Variants in DDR2 observed in about 807,000 individuals in gnomAD.
The protein encoded by DDR2 is discoidin domain receptor tyrosine kinase 2.
In DDR2, 27 loss-of-function variants were observed where a neutral mutation model predicts 94.9. The observed-to-expected ratio is 0.28, with a 90% CI of 0.21 to 0.39. The LOEUF (loss-of-function observed/expected upper bound fraction) is 0.39. Ranked by LOEUF, DDR2 falls within the 10% of genes least tolerant of loss-of-function variation. The pLI is 1.00. For synonymous variants in DDR2, 382 were observed against 377.2 expected (o/e 1.01, Z -0.15); for missense variants, 783 against 1,076.0 (o/e 0.73, Z 3.81).
intron 11 of DDR2, among the ~76,000 whole-genome samples, chr1:162,769,872 C>T (rs942989371): frequency 1.3e-5 from 2 of 152,132 alleles, no homozygotes; most frequent in African/African-American, 2.4e-5. Context: ...ACTACTGATT[C>T]ATCATGTTAT....
At chr1:162,635,311 C>A (rs1284227514) in intron 1 of DDR2, among the ~76,000 whole-genome samples, 2 of 105,934 alleles carry the variant, frequency 1.9e-5, no homozygotes, top group Non-Finnish European at 4.8e-5. Flanking sequence ...ATTGGAGCGG[C>A]CACCCCCCAT....
At chr1:162,700,426 G>A (rs570805349) in intron 2 of DDR2, among the ~76,000 whole-genome samples, 2 of 152,270 alleles carry the variant, frequency 1.3e-5, no homozygotes, top group African/African-American at 4.8e-5. Flanking sequence ...AGGACATCAT[G>A]CAACTCATTT....
At chr1:162,687,919 C>G (rs555724740) in intron 2 of DDR2, among the ~76,000 whole-genome samples, 5 of 152,290 alleles carry the variant, frequency 3.3e-5, no homozygotes, top group Admixed American at 2.6e-4. Context: ...ATCAGAGAAG[C>G]AGGACACCAT....
chr1:162,751,083 T>C (rs1397347545), intron 3 of DDR2, among the ~76,000 whole-genome samples: 1 of 152,156 alleles, frequency 6.6e-6, no homozygotes, highest in African/African-American at 2.4e-5. Context: ...GACATAGGCA[T>C]GGGCAAGGAC....
At chr1:162,757,986 G>A (rs183613434) in intron 7 of DDR2, among the ~76,000 whole-genome samples, 34 of 152,192 alleles carry the variant, frequency 2.2e-4, no homozygotes, top group Admixed American at 7.2e-4. Flanking sequence ...CTTACCTTGC[G>A]CCAAGCATTT....
intron 2 of DDR2, among the ~76,000 whole-genome samples, chr1:162,666,694 CT>C (rs1046889644): frequency 1.3e-5 from 2 of 151,998 alleles, no homozygotes; most frequent in Non-Finnish European, 2.9e-5. Flanking sequence ...TTTATTTTTT[CT>C]GCATTTTTTA....
intron 3 of DDR2, among the ~76,000 whole-genome samples, chr1:162,739,674 A>C (rs761310630): frequency 6.6e-6 from 1 of 152,176 alleles, no homozygotes; most frequent in African/African-American, 2.4e-5. Context: ...GCTATTGTGA[A>C]TAGTGTGAGC....
rs1648038767 is a variant in DDR2, at chr1:162,783,999, C to T, written c.*3753C>T. 6.6e-6 allele frequency: 1 copy of T among 152,168 alleles called. No homozygotes were observed. Among genetic ancestry groups the T allele is most frequent in the African/African-American group, 2.4e-5 (1 of 41,438 alleles). 9.4% of individuals were successfully genotyped at this position (152,168 alleles called of 1,614,324 possible). A position where few individuals can be genotyped will look rare whatever the true frequency, so the allele number is the denominator to read the frequency against. Reference sequence around the variant, plus strand: ...TTCATCTGCCAATAAAGTTCATTTTCAATAATGTCCACCATTGCTGTGCCC... The same window carrying T: ...TTCATCTGCCAATAAAGTTCATTTTTAATAATGTCCACCATTGCTGTGCCC... On this transcript the variant is annotated 3_prime_UTR_variant, in exon 18 of 18. Coordinates refer to ENST00000367921, the MANE Select transcript of DDR2 (RefSeq NM_006182.4).
intron 9 of DDR2, among the ~76,000 whole-genome samples, chr1:162,765,661 G>A (rs1373355200): frequency 6.6e-6 from 1 of 151,368 alleles, no homozygotes; most frequent in African/African-American, 2.4e-5. Context: ...CCATTTACCC[G>A]CTATATTCTG....
At chr1:162,670,302 T>C (rs1310116513) in intron 2 of DDR2, among the ~76,000 whole-genome samples, 1 of 152,168 alleles carries the variant, frequency 6.6e-6, no homozygotes, top group Non-Finnish European at 1.5e-5. Context: ...GTAGAGACGC[T>C]TCACCATGTT....
At chr1:162,675,711 A>G (rs1659092564) in intron 2 of DDR2, among the ~76,000 whole-genome samples, 1 of 152,232 alleles carries the variant, frequency 6.6e-6, no homozygotes, top group Non-Finnish European at 1.5e-5. Context: ...AGTAATGGGA[A>G]GTAGAGAAGT....
chr1:162,633,432 G>C (rs1007793568), intron 1 of DDR2, among the ~76,000 whole-genome samples: 1 of 152,160 alleles, frequency 6.6e-6, no homozygotes, highest in Non-Finnish European at 1.5e-5. Flanking sequence ...CCATTTTGCC[G>C]ATCATTGGCT....
At chr1:162,775,897 A>G (rs1181620747) in intron 15 of DDR2, 54 bp downstream of exon 15, 10 of 1,606,012 alleles carry the variant, frequency 6.2e-6, no homozygotes, top group Non-Finnish European at 8.5e-6. Context: ...GTAACCTGGG[A>G]TCTGAAAATA....
chr1:162,711,555 G>A (rs2102014973), intron 2 of DDR2, among the ~76,000 whole-genome samples: 1 of 152,324 alleles, frequency 6.6e-6, no homozygotes, highest in East Asian at 1.9e-4. Flanking sequence ...CCATATTTGA[G>A]TTATGGTCAC....
chr1:162,663,583 G>A (rs1347302533), intron 2 of DDR2, among the ~76,000 whole-genome samples: 1 of 152,138 alleles, frequency 6.6e-6, no homozygotes, highest in Non-Finnish European at 1.5e-5. Flanking sequence ...AAGACTAGAA[G>A]GGAAAGAAGT....
At chr1:162,736,810 T>C (rs1273287507) in intron 3 of DDR2, among the ~76,000 whole-genome samples, 1 of 152,214 alleles carries the variant, frequency 6.6e-6, no homozygotes, top group Admixed American at 6.5e-5. Context: ...TGAAGATTCT[T>C]ACTTTACTGA....
At chr1:162,670,149 C>T (rs1017591324) in intron 2 of DDR2, among the ~76,000 whole-genome samples, 11 of 152,196 alleles carry the variant, frequency 7.2e-5, no homozygotes, top group Non-Finnish European at 1.3e-4. Flanking sequence ...CTTGCTCTGT[C>T]GCCCAGGCTG....
Position 162,773,419 on chromosome 1 carries a change from G to T in DDR2, c.1729-50G>T, listed in dbSNP as rs1431433828. On this transcript the variant is annotated intron_variant, in intron 13 of 17. Coordinates refer to ENST00000367921, the MANE Select transcript of DDR2 (RefSeq NM_006182.4). Reference sequence around the variant, plus strand: ...AGGAAATGCCCAGCAAGAGTACTGAGACATCTTCAGGAGAAATGATGATGC... The same window carrying T: ...AGGAAATGCCCAGCAAGAGTACTGATACATCTTCAGGAGAAATGATGATGC... 1.9e-6 allele frequency: 3 copies of T among 1,609,246 alleles called. No individual in the cohort carries two copies. The African/African-American group carries it at 4.0e-5, about 22-fold the overall frequency.
chr1:162,634,202 T>G (rs1169849065), intron 1 of DDR2, among the ~76,000 whole-genome samples: 2 of 152,164 alleles, frequency 1.3e-5, no homozygotes, highest in Non-Finnish European at 2.9e-5. Flanking sequence ...ATATCAGATG[T>G]GGGGTTGATT....
Sources: allele counts gnomAD v4.1 joint callset (sites outside exome capture counted in the v4.1 genomes callset), GRCh38; gene constraint gnomAD v4.1.1; transcripts MANE v1.5; gene names NCBI Gene and HGNC (gene_info 2026-07-23, HGNC 2026-07-21).